CDKAL1: variants seen among roughly 807,000 people sequenced by gnomAD.
The protein encoded by CDKAL1 is threonylcarbamoyladenosine tRNA methylthiotransferase.
CDKAL1 carries 32 observed loss-of-function variants against 68.2 expected under a neutral mutation model. The ratio of observed to expected loss-of-function variants is 0.47; its 90% CI spans 0.35 to 0.63. The LOEUF (loss-of-function observed/expected upper bound fraction) is 0.63. Among genes scored for constraint, CDKAL1 ranks in the 30% least tolerant of loss-of-function variants. CDKAL1 has a pLI of 0.00. For synonymous variants in CDKAL1, 234 were observed against 244.3 expected, an observed-to-expected ratio of 0.96 and a Z score of 0.39; for missense variants, 606 against 696.7, an observed-to-expected ratio of 0.87 and a Z score of 1.47.
At position 21,231,300 on chromosome 6, in the gene CDKAL1, T is replaced by C. The variant is rs1779965391; in HGVS notation, c.*261T>C. The C allele has an allele frequency of 3.4e-6, 1 of 292,148 alleles. No individual in the cohort carries two copies. Among genetic ancestry groups the C allele is most frequent in the African/African-American group, 3.3e-5 (1 of 30,216 alleles). The allele number at this position is 292,148 out of a possible 1,614,324, so 18.1% of individuals were successfully genotyped here. On this transcript the variant is annotated 3_prime_UTR_variant, in exon 16 of 16. Transcript: ENST00000274695. Reference sequence around the variant, plus strand: ...CTTTTGGTTTACTTTTAGCAAGAAATGCAAGCGGTTGCATTTTTTTCTGTT... The same window carrying C: ...CTTTTGGTTTACTTTTAGCAAGAAACGCAAGCGGTTGCATTTTTTTCTGTT...
intron 9 of CDKAL1, among the ~76,000 whole-genome samples, chr6:20,848,535 C>T (rs534602390): frequency 5.3e-5 from 8 of 151,986 alleles, no homozygotes; most frequent in Admixed American, 2.0e-4. Context: ...CTAGTTAAGG[C>T]GAGTGATTCA....
rs142461875 is a variant in CDKAL1, at chr6:20,717,535, C to T, written c.372-21984C>T. ...TAGATATGATGGTGTAATGAAACAGCGGTTCCTTCTTCTTGTTTCTGTTTT... is the reference window on the plus strand; with the variant it reads ...TAGATATGATGGTGTAATGAAACAGTGGTTCCTTCTTCTTGTTTCTGTTTT... On this transcript the variant is annotated intron_variant, in intron 5 of 15. Coordinates refer to ENST00000274695, the MANE Select transcript of CDKAL1 (RefSeq NM_017774.3). Among the ~76,000 whole-genome samples, 973 of 152,010 alleles carry T rather than the reference C, an allele frequency of 6.4e-3. 10 individuals are homozygous for T. The highest frequency in any genetic ancestry group is 0.022 in the African/African-American group (910 of 41,458).
At position 20,777,899 on chromosome 6, in the gene CDKAL1, G is replaced by A. The variant is rs140809396; in HGVS notation, c.518-3246G>A. 3.3e-5 allele frequency among the ~76,000 whole-genome samples: 5 copies of A among 152,284 alleles called. No homozygotes were observed. In the East Asian group the frequency reaches 9.6e-4, roughly 29 times the overall value. On this transcript the variant is annotated intron_variant, in intron 7 of 15. Transcript: ENST00000274695. ...ATTATTACAATACACTGTAATAAAA[G>A]TTATGTGAATGTGGAGTGTCTCTCC...
At chr6:21,144,100 C>T (rs1776050066) in intron 13 of CDKAL1, among the ~76,000 whole-genome samples, 1 of 152,050 alleles carries the variant, frequency 6.6e-6, no homozygotes, top group Non-Finnish European at 1.5e-5. Flanking sequence ...AGATATGTGC[C>T]CAAATCATCA....
In CDKAL1 at chr6:20,657,061, T is replaced by C. The variant is rs113250368; in HGVS notation, c.371+7684T>C. Among the ~76,000 whole-genome samples, 539 of 152,254 alleles carry C rather than the reference T, an allele frequency of 3.5e-3. 4 individuals are homozygous for C. Among genetic ancestry groups the C allele is most frequent in the African/African-American group, 0.012 (499 of 41,516 alleles). ...TGAGGTGACATTTATACATATAAAA[T>C]CTTTCAGTGATGGATTACTCTTGTC... On this transcript the variant is annotated intron_variant, in intron 5 of 15. Coordinates refer to ENST00000274695, the MANE Select transcript of CDKAL1 (RefSeq NM_017774.3).
intron 4 of CDKAL1, among the ~76,000 whole-genome samples, chr6:20,591,432 C>T (rs1369571430): frequency 6.6e-6 from 1 of 152,120 alleles, no homozygotes; most frequent in African/African-American, 2.4e-5. Flanking sequence ...TTTGCCCATT[C>T]CTGTGTCCTG....
chr6:21,081,671 A>C (rs1772412327), intron 12 of CDKAL1, among the ~76,000 whole-genome samples: 1 of 151,056 alleles, frequency 6.6e-6, no homozygotes, highest in Non-Finnish European at 1.5e-5. Flanking sequence ...TCCTAGGTTC[A>C]AGCAATTCTC....
intron 14 of CDKAL1, chr6:21,200,799 A>T: frequency 5.3e-6 from 1 of 188,046 alleles, no homozygotes; most frequent in Non-Finnish European, 1.1e-5. Flanking sequence ...GGCTCTGCAG[A>T]CCCTTGAGCA....
chr6:21,196,353 A>G (rs1488013020), intron 13 of CDKAL1, among the ~76,000 whole-genome samples: 1 of 152,330 alleles, frequency 6.6e-6, no homozygotes, highest in East Asian at 1.9e-4. Flanking sequence ...CCCAATATTC[A>G]CCAGCCCTTT....
At chr6:20,732,263 CTT>C (rs56911987) in intron 5 of CDKAL1, among the ~76,000 whole-genome samples, 273 of 83,432 alleles carry the variant, frequency 3.3e-3, no homozygotes, top group African/African-American at 0.01. Flanking sequence ...TTCTTTCTTT[CTT>C]TTTTTTTTTT....
chr6:20,572,609 G>T (rs1275861133), intron 4 of CDKAL1, among the ~76,000 whole-genome samples: 1 of 152,028 alleles, frequency 6.6e-6, no homozygotes, highest in East Asian at 1.9e-4. Context: ...CATATGTATT[G>T]GGTCCACATT....
At chr6:20,887,989 ATTATACT>A (rs1190145683) in intron 9 of CDKAL1, among the ~76,000 whole-genome samples, 3 of 151,746 alleles carry the variant, frequency 2.0e-5, no homozygotes, top group Non-Finnish European at 4.4e-5. Flanking sequence ...TTTTTTTTAA[ATTATACT>A]TTAAGTTCTA....
intron 15 of CDKAL1, among the ~76,000 whole-genome samples, chr6:21,224,107 G>C (rs1374316557): frequency 6.6e-6 from 1 of 152,178 alleles, no homozygotes; most frequent in African/African-American, 2.4e-5. Flanking sequence ...TATGTCAGGA[G>C]TGGCAGGCAC....
chr6:21,070,335 G>T (rs1433553912), intron 12 of CDKAL1, among the ~76,000 whole-genome samples: 1 of 151,126 alleles, frequency 6.6e-6, no homozygotes, highest in African/African-American at 2.4e-5. Context: ...TACACTGGCA[G>T]TGTGAATTTT....
At chr6:20,738,506 T>TG (rs58875678) in intron 5 of CDKAL1, among the ~76,000 whole-genome samples, 5 of 147,510 alleles carry the variant, frequency 3.4e-5, no homozygotes, top group African/African-American at 1.3e-4. Context: ...TTTTTTTTTT[T>TG]GATACACAGT....
intron 9 of CDKAL1, among the ~76,000 whole-genome samples, chr6:20,894,067 T>G (rs1385764479): frequency 6.6e-6 from 1 of 152,190 alleles, no homozygotes; most frequent in Non-Finnish European, 1.5e-5. Context: ...TACATTTTAA[T>G]CAAAGACAGA....
intron 9 of CDKAL1, among the ~76,000 whole-genome samples, chr6:20,878,497 T>C (rs1760647789): frequency 6.6e-6 from 1 of 152,076 alleles, no homozygotes; most frequent in African/African-American, 2.4e-5. Context: ...CCCAGCACTT[T>C]GAGGGGCGGA....
chr6:20,932,302 T>C (rs748494517), intron 9 of CDKAL1, among the ~76,000 whole-genome samples: 1 of 152,160 alleles, frequency 6.6e-6, no homozygotes, highest in African/African-American at 2.4e-5. Flanking sequence ...CGAGTGTTTC[T>C]CAAAGTTGGA....
intron 12 of CDKAL1, among the ~76,000 whole-genome samples, chr6:21,076,413 C>T (rs1772077903): frequency 6.6e-6 from 1 of 152,182 alleles, no homozygotes; most frequent in African/African-American, 2.4e-5. Context: ...GTCCGAGAAA[C>T]ATAGCATATA....
Sources: gnomAD v4.1 joint callset for allele counts (sites outside exome capture counted in the v4.1 genomes callset) on GRCh38, gnomAD v4.1.1 for gene constraint, MANE v1.5 for transcripts, NCBI Gene and HGNC (gene_info 2026-07-23, HGNC 2026-07-21) for gene names.